PPP1R9A: variants seen among roughly 807,000 people sequenced by gnomAD.
PPP1R9A encodes protein phosphatase 1 regulatory subunit 9A, also known as neurabin-1.
A neutral mutation model predicts 141.9 loss-of-function variants in PPP1R9A; 59 were observed. The observed-to-expected ratio is 0.42, with a 90% CI of 0.34 to 0.52. PPP1R9A has a LOEUF of 0.52. Ranked by LOEUF, PPP1R9A falls within the 20% of genes least tolerant of loss-of-function variation. The pLI, the probability that PPP1R9A is intolerant of heterozygous loss-of-function variation, is 0.10. For synonymous variants in PPP1R9A, 500 were observed against 569.7 expected (o/e 0.88, Z 1.74); for missense variants, 1,444 against 1,611.9 (o/e 0.90, Z 1.78).
intron 2 of PPP1R9A, among the ~76,000 whole-genome samples, chr7:95,033,923 A>G (rs1808074324): frequency 6.6e-6 from 1 of 152,038 alleles, no homozygotes; most frequent in South Asian, 2.1e-4. Context: ...ATTGCTATTT[A>G]TTTATAATAA....
At chr7:95,120,957 G>T in intron 4 of PPP1R9A, 125 bp downstream of exon 4, 1 of 1,267,810 alleles carries the variant, frequency 7.9e-7, no homozygotes, top group Non-Finnish European at 1.1e-6. Flanking sequence ...TTTCTCAGAT[G>T]TGAAAATCTT....
chr7:94,948,845 CAA>C (rs778565024), intron 2 of PPP1R9A, among the ~76,000 whole-genome samples: 2 of 152,006 alleles, frequency 1.3e-5, no homozygotes, highest in Admixed American at 6.6e-5. Context: ...ATGTATTTCC[CAA>C]GAGAGAGAAA....
At chr7:95,111,170 C>A in intron 2 of PPP1R9A, 89 bp from the exon 3 acceptor site, 1 of 1,302,726 alleles carries the variant, frequency 7.7e-7, no homozygotes, top group Non-Finnish European at 1.0e-6. Flanking sequence ...AGAAATTCAT[C>A]ACATGAATGT....
At chr7:95,280,712 T>C (rs1804047807) in intron 16 of PPP1R9A, among the ~76,000 whole-genome samples, 1 of 152,164 alleles carries the variant, frequency 6.6e-6, no homozygotes, top group Admixed American at 6.5e-5. Context: ...ATAGACTATC[T>C]ACCTATTTTG....
chr7:95,222,040 G>A (rs375441912), intron 7 of PPP1R9A, among the ~76,000 whole-genome samples: 1 of 152,116 alleles, frequency 6.6e-6, no homozygotes, highest in Non-Finnish European at 1.5e-5. Flanking sequence ...TACTGCTCCC[G>A]ATTCTTTCAA....
chr7:95,137,549 A>C (rs887958712), intron 4 of PPP1R9A, among the ~76,000 whole-genome samples: 3 of 152,050 alleles, frequency 2.0e-5, no homozygotes, highest in African/African-American at 7.2e-5. Context: ...TGATGGCAGT[A>C]GGATATTTGG....
At chr7:95,274,518 G>C (rs1281954459) in intron 16 of PPP1R9A, among the ~76,000 whole-genome samples, 1 of 152,188 alleles carries the variant, frequency 6.6e-6, no homozygotes, top group African/African-American at 2.4e-5. Flanking sequence ...CACAATGCTA[G>C]TGCATTGTAT....
chr7:95,288,530 T>C lies in PPP1R9A; in HGVS notation c.3730-6T>C. 6.2e-7 allele frequency: 1 copy of C among 1,613,544 alleles called. No homozygotes were observed. The highest frequency in any genetic ancestry group is 8.5e-7 in the Non-Finnish European group (1 of 1,179,794). ...TTAACAACACTACGTAACATTCCTA[T>C]CTTAGATCCTTGATGATGGACAGTC... On this transcript the variant is annotated splice_region_variant and splice_polypyrimidine_tract_variant and intron_variant, in intron 18 of 19. Transcript: ENST00000433360.
At chr7:95,062,504 A>G (rs1812374480) in intron 2 of PPP1R9A, among the ~76,000 whole-genome samples, 1 of 149,838 alleles carries the variant, frequency 6.7e-6, no homozygotes, top group African/African-American at 2.5e-5. Context: ...CTGCACCCTC[A>G]GCCTCCTGAG....
intron 2 of PPP1R9A, among the ~76,000 whole-genome samples, chr7:95,033,140 A>G (rs185126153): frequency 0.04 from 6,018 of 148,820 alleles, 181 homozygotes; most frequent in Middle Eastern, 0.13. Context: ...GAGTAGCTGG[A>G]ACTACAGGCA....
chr7:95,161,726 A>AC (rs1830488866), intron 4 of PPP1R9A, 141 bp from the exon 5 acceptor site: 1 of 556,258 alleles, frequency 1.8e-6, no homozygotes, highest in Admixed American at 3.4e-5. Context: ...AGCAGAACTG[A>AC]CTGTATGTAA....
intron 5 of PPP1R9A, among the ~76,000 whole-genome samples, chr7:95,181,363 ATG>A (rs1491233895): frequency 1.6e-4 from 22 of 139,758 alleles, no homozygotes; most frequent in African/African-American, 5.9e-4. Context: ...TATATAGAAT[ATG>A]TATGGAATAT....
intron 2 of PPP1R9A, among the ~76,000 whole-genome samples, chr7:94,939,900 A>G (rs1051810862): frequency 1.3e-4 from 19 of 151,830 alleles, no homozygotes; most frequent in African/African-American, 2.2e-4. Context: ...ACACCTAAAC[A>G]CACTATCTCT....
At chr7:95,202,287 A>C (rs2152873479) in intron 6 of PPP1R9A, among the ~76,000 whole-genome samples, 1 of 152,214 alleles carries the variant, frequency 6.6e-6, no homozygotes, top group Non-Finnish European at 1.5e-5. Context: ...GTTTAAAATA[A>C]GCAAACAGCC....
intron 2 of PPP1R9A, among the ~76,000 whole-genome samples, chr7:94,975,806 A>G (rs1346883241): frequency 6.6e-6 from 1 of 152,184 alleles, no homozygotes; most frequent in East Asian, 1.9e-4. Flanking sequence ...TCTTCTCAGA[A>G]GATGTCACTG....
At chr7:95,226,969 T>C (rs1026400485) in intron 8 of PPP1R9A, among the ~76,000 whole-genome samples, 4 of 152,182 alleles carry the variant, frequency 2.6e-5, no homozygotes, top group African/African-American at 9.6e-5. Flanking sequence ...TCCTCCATCA[T>C]TGAAGAGAAA....
At chr7:94,971,845 G>T (rs1798889507) in intron 2 of PPP1R9A, among the ~76,000 whole-genome samples, 2 of 152,130 alleles carry the variant, frequency 1.3e-5, no homozygotes, top group African/African-American at 4.8e-5. Flanking sequence ...AGATTTTCAG[G>T]ATTTTTAAAT....
chr7:95,270,431 A>G (rs547206937), intron 14 of PPP1R9A, among the ~76,000 whole-genome samples: 2 of 152,150 alleles, frequency 1.3e-5, no homozygotes, highest in Non-Finnish European at 1.5e-5. Context: ...GATTTTCTGA[A>G]TTGTGTCAAT....
intron 14 of PPP1R9A, among the ~76,000 whole-genome samples, chr7:95,272,659 T>C (rs1802391426): frequency 6.6e-6 from 1 of 152,220 alleles, no homozygotes; most frequent in Admixed American, 6.5e-5. Flanking sequence ...CTTGAGAGCT[T>C]TGAACCTAGA....
Sources: gnomAD v4.1 joint callset for allele counts (sites outside exome capture counted in the v4.1 genomes callset) on GRCh38, gnomAD v4.1.1 for gene constraint, MANE v1.5 for transcripts, NCBI Gene and HGNC (gene_info 2026-07-23, HGNC 2026-07-21) for gene names.